Variants in IPO11 observed in about 807,000 individuals in gnomAD.
The protein encoded by IPO11 is importin-11.
In IPO11, 66 loss-of-function variants were observed where a neutral mutation model predicts 143.2. The ratio of observed to expected loss-of-function variants is 0.46; its 90% CI spans 0.38 to 0.57. The LOEUF is 0.57. Among genes scored for constraint, IPO11 ranks in the 20% least tolerant of loss-of-function variants. The pLI is 0.00. For missense variants in IPO11, 1,026 were observed against 1,141.0 expected (o/e 0.90, Z 1.45); for synonymous variants, 385 against 377.8 (o/e 1.02, Z -0.22).
intron 16 of IPO11, among the ~76,000 whole-genome samples, chr5:62,496,457 TA>T (rs1351910101): frequency 6.6e-6 from 1 of 152,196 alleles, no homozygotes; most frequent in Non-Finnish European, 1.5e-5. Context: ...GCATATGTTT[TA>T]TACTGTAACT....
chr5:62,461,756 A>G (rs1745365647), intron 5 of IPO11, among the ~76,000 whole-genome samples: 1 of 152,166 alleles, frequency 6.6e-6, no homozygotes. Context: ...TGCTTTTCGT[A>G]TCTGTAGTCC....
intron 3 of IPO11, among the ~76,000 whole-genome samples, chr5:62,445,895 C>CAATA (rs1324623929): frequency 6.6e-6 from 1 of 152,066 alleles, no homozygotes; most frequent in East Asian, 1.9e-4. Flanking sequence ...AGTCATTGTA[C>CAATA]ACTTTTATTG....
chr5:62,493,847 G>A, intron 15 of IPO11, 151 bp from the exon 16 acceptor site: 2 of 692,412 alleles, frequency 2.9e-6, no homozygotes, highest in Non-Finnish European at 4.4e-6. Context: ...GCGATTATAA[G>A]CATGAGCCAG....
intron 21 of IPO11, among the ~76,000 whole-genome samples, chr5:62,530,146 C>CT (rs941801853): frequency 3.7e-4 from 56 of 152,196 alleles, no homozygotes; most frequent in African/African-American, 1.3e-3. Flanking sequence ...AACAAAATAA[C>CT]TTTTTTACCT....
chr5:62,416,130 T>C (rs1002894695), intron 1 of IPO11, among the ~76,000 whole-genome samples: 3 of 152,006 alleles, frequency 2.0e-5, no homozygotes, highest in Non-Finnish European at 4.4e-5. Context: ...GTGGTCATCC[T>C]GTGTGTACAT....
At chr5:62,540,026 T>G (rs1742874044) in intron 24 of IPO11, among the ~76,000 whole-genome samples, 1 of 152,242 alleles carries the variant, frequency 6.6e-6, no homozygotes, top group African/African-American at 2.4e-5. Context: ...TATGTATGCC[T>G]GTTTTAACCT....
At chr5:62,432,150 A>G (rs1416408362) in intron 1 of IPO11, among the ~76,000 whole-genome samples, 1 of 152,174 alleles carries the variant, frequency 6.6e-6, no homozygotes, top group East Asian at 1.9e-4. Flanking sequence ...ACCACACCGT[A>G]CTTTGACTGC....
At chr5:62,553,402 A>G (rs191850475) in intron 26 of IPO11, among the ~76,000 whole-genome samples, 10 of 151,758 alleles carry the variant, frequency 6.6e-5, no homozygotes, top group African/African-American at 2.4e-4. Flanking sequence ...ATGGGTGCCT[A>G]GGTTAATTCC....
chr5:62,586,841 T>C (rs1017337685), intron 27 of IPO11, among the ~76,000 whole-genome samples: 1 of 145,784 alleles, frequency 6.9e-6, no homozygotes, highest in Non-Finnish European at 1.5e-5. Context: ...TTTATTTTCA[T>C]CAGTTTCCGA....
At chr5:62,511,120 TA>T (rs1362845538) in intron 19 of IPO11, among the ~76,000 whole-genome samples, 1 of 152,252 alleles carries the variant, frequency 6.6e-6, no homozygotes, top group Non-Finnish European at 1.5e-5. Flanking sequence ...AAGATTGGAA[TA>T]TAAATATTTT....
chr5:62,438,606 G>T (rs1425970656), intron 2 of IPO11, among the ~76,000 whole-genome samples: 1 of 151,926 alleles, frequency 6.6e-6, no homozygotes, highest in African/African-American at 2.4e-5. Flanking sequence ...TACAAAATTA[G>T]CCAGGTGTGG....
intron 27 of IPO11, among the ~76,000 whole-genome samples, chr5:62,585,429 A>C (rs901811696): frequency 1.3e-5 from 2 of 152,202 alleles, no homozygotes; most frequent in African/African-American, 4.8e-5. Flanking sequence ...AATTCCTAGC[A>C]GATGGAAAGC....
chr5:62,586,954 A>G lies in IPO11; in HGVS notation c.2583-4623A>G, dbSNP rs193221956. Among the ~76,000 whole-genome samples the G allele has an allele frequency of 1.2e-4, 18 of 151,404 alleles. No individual in the cohort carries two copies. The East Asian group carries it at 3.5e-3, about 29-fold the overall frequency. ...CAAGTGACTTTTTAAGTAACTATTC[A>G]AACCAAGTGTTTTTATTCAGCTGAA... On this transcript the variant is annotated intron_variant, in intron 27 of 29. Transcript: ENST00000325324.
At chr5:62,584,516 G>C (rs1366866717) in intron 27 of IPO11, among the ~76,000 whole-genome samples, 1 of 151,234 alleles carries the variant, frequency 6.6e-6, no homozygotes, top group Non-Finnish European at 1.5e-5. Context: ...AGGAGGCTGA[G>C]GTGTGAGGAT....
Position 62,622,618 on chromosome 5 carries a change from C to T in IPO11, c.2764-4536C>T, listed in dbSNP as rs890660916. On this transcript the variant is annotated intron_variant, in intron 29 of 29. Coordinates refer to ENST00000325324, the MANE Select transcript of IPO11 (RefSeq NM_016338.5). ...TTGAAATAATTACTTTGTCTAATTG[C>T]TTGAGTTGTGTTTCTGTCAAGTTTA... Among the ~76,000 whole-genome samples the T allele has an allele frequency of 2.0e-5, 3 of 152,118 alleles. No individual in the cohort carries two copies. In the South Asian group the frequency reaches 6.2e-4, roughly 32 times the overall value.
intron 27 of IPO11, among the ~76,000 whole-genome samples, chr5:62,572,595 C>CT (rs1219898068): frequency 7.4e-6 from 1 of 134,560 alleles, no homozygotes; most frequent in Non-Finnish European, 1.6e-5. Context: ...ATTTTTGAGG[C>CT]TTTGAGGCAG....
At chr5:62,556,786 C>T (rs1173275628) in intron 26 of IPO11, among the ~76,000 whole-genome samples, 3 of 152,160 alleles carry the variant, frequency 2.0e-5, no homozygotes, top group Non-Finnish European at 2.9e-5. Context: ...TATTACTTCT[C>T]ATTGTCCTTT....
At chr5:62,581,036 C>CT (rs1390378848) in intron 27 of IPO11, 11 of 1,550,790 alleles carry the variant, frequency 7.1e-6, no homozygotes, top group Non-Finnish European at 6.1e-6. Context: ...ATTTTGCTAG[C>CT]TTTTTTCATC....
Position 62,576,487 on chromosome 5 carries a change from G to A in IPO11, c.2583-15090G>A, listed in dbSNP as rs1228938348. Among the ~76,000 whole-genome samples the A allele has an allele frequency of 2.0e-5, 3 of 152,046 alleles. No homozygotes were observed. The South Asian group carries it at 6.2e-4, about 32-fold the overall frequency. On this transcript the variant is annotated intron_variant, in intron 27 of 29. Transcript: ENST00000325324. ...AATCTTGATTGGTTTATATATAGAT[G>A]GTATATATCTAAATACATATAGGCT...
Sources: allele counts gnomAD v4.1 joint callset (sites outside exome capture counted in the v4.1 genomes callset), GRCh38; gene constraint gnomAD v4.1.1; transcripts MANE v1.5; gene names NCBI Gene and HGNC (gene_info 2026-07-23, HGNC 2026-07-21).